EBF3: variants seen among roughly 807,000 people sequenced by gnomAD.
EBF3 encodes EBF transcription factor 3, also known as transcription factor COE3.
A neutral mutation model predicts 77.1 loss-of-function variants in EBF3; 18 were observed. That is an observed-to-expected ratio of 0.23 (90% CI 0.16 to 0.35). EBF3 has a LOEUF of 0.35. EBF3 is among the 10% of genes least tolerant of loss of function. The pLI, the probability that EBF3 is intolerant of heterozygous loss-of-function variation, is 1.00. For missense variants in EBF3, 558 were observed against 860.0 expected (o/e 0.65, Z 4.39); for synonymous variants, 350 against 343.5 (o/e 1.02, Z -0.21).
intron 6 of EBF3, among the ~76,000 whole-genome samples, chr10:129,880,058 T>C (rs1407218765): frequency 6.6e-6 from 1 of 152,222 alleles, no homozygotes; most frequent in Non-Finnish European, 1.5e-5. Flanking sequence ...AATTTCTTGA[T>C]GTCTTTTAGA....
At chr10:129,888,941 C>A (rs866831904) in intron 6 of EBF3, among the ~76,000 whole-genome samples, 1 of 152,136 alleles carries the variant, frequency 6.6e-6, no homozygotes, top group Non-Finnish European at 1.5e-5. Context: ...CAGGCCTGGG[C>A]CTATACAGAT....
intron 11 of EBF3, among the ~76,000 whole-genome samples, chr10:129,844,264 A>G (rs575060590): frequency 2.7e-4 from 41 of 152,140 alleles, no homozygotes; most frequent in Non-Finnish European, 2.4e-4. Flanking sequence ...AGGTGTGTCT[A>G]CATCTGGGCA....
intron 10 of EBF3, among the ~76,000 whole-genome samples, chr10:129,852,397 G>A (rs576440160): frequency 6.6e-6 from 1 of 152,328 alleles, no homozygotes; most frequent in South Asian, 2.1e-4. Flanking sequence ...TAATGTGGCA[G>A]CAGAAATGGC....
At chr10:129,856,371 T>TC (rs777595629) in intron 10 of EBF3, among the ~76,000 whole-genome samples, 6 of 152,112 alleles carry the variant, frequency 3.9e-5, no homozygotes, top group Non-Finnish European at 7.3e-5. Context: ...ATGTGGTATA[T>TC]CCATACAATG....
intron 6 of EBF3, among the ~76,000 whole-genome samples, chr10:129,922,210 C>T (rs867946964): frequency 6.6e-6 from 1 of 152,224 alleles, no homozygotes; most frequent in African/African-American, 2.4e-5. Flanking sequence ...CCATGGCCCC[C>T]GAGCCCTCCT....
chr10:129,919,558 A>G (rs1443411562), intron 6 of EBF3, among the ~76,000 whole-genome samples: 2 of 152,128 alleles, frequency 1.3e-5, no homozygotes, highest in Non-Finnish European at 2.9e-5. Flanking sequence ...CCAGCTTAGG[A>G]GCAGACTTAG....
chr10:129,905,315 A>C, intron 6 of EBF3, among the ~76,000 whole-genome samples: 1 of 152,228 alleles, frequency 6.6e-6, no homozygotes, highest in Non-Finnish European at 1.5e-5. Flanking sequence ...CAGATTCCCA[A>C]ACTTAGTGAA....
chr10:129,925,453 G>A (rs944797210), intron 6 of EBF3, among the ~76,000 whole-genome samples: 19 of 151,914 alleles, frequency 1.3e-4, no homozygotes, highest in East Asian at 3.9e-4. Context: ...TTAGCAAGGC[G>A]TGGTGGTGCA....
At chr10:129,893,087 G>T (rs906571895) in intron 6 of EBF3, among the ~76,000 whole-genome samples, 2 of 152,212 alleles carry the variant, frequency 1.3e-5, no homozygotes, top group African/African-American at 4.8e-5. Flanking sequence ...GACAATAATT[G>T]ATTGTGATTC....
Position 129,861,390 on chromosome 10 carries a change from A to C in EBF3, c.1039+5751T>G, listed in dbSNP as rs1851626276. On this transcript the variant is annotated intron_variant, in intron 10 of 16. Transcript: ENST00000440978. This position sits in a 1 kb window ranked among gnomAD's most constrained non-coding sequence, Gnocchi z 4.3. ...AAAGGACAAAAACTAAAGTGGCGTC[A>C]GGAGAAGTTGTGTTGTTGGAGTCAC... Among the ~76,000 whole-genome samples, 1 of 152,218 alleles carries C rather than the reference A, an allele frequency of 6.6e-6. No homozygotes were observed. The highest frequency in any genetic ancestry group is 2.4e-5 in the African/African-American group (1 of 41,464).
chr10:129,954,411 T>C (rs1014807009), intron 6 of EBF3, among the ~76,000 whole-genome samples: 2 of 147,018 alleles, frequency 1.4e-5, no homozygotes, highest in Admixed American at 1.3e-4. Context: ...ACAGCCTCAC[T>C]TCCCCCCCCC....
At chr10:129,882,329 C>T (rs140904683) in intron 6 of EBF3, among the ~76,000 whole-genome samples, 24 of 152,326 alleles carry the variant, frequency 1.6e-4, no homozygotes, top group East Asian at 9.6e-4. Context: ...CTCCTTTAAA[C>T]GGCTACAGAA....
chr10:129,894,196 G>A (rs183577516), intron 6 of EBF3, among the ~76,000 whole-genome samples: 53 of 152,288 alleles, frequency 3.5e-4, no homozygotes, highest in African/African-American at 1.1e-3. Flanking sequence ...TGTCTCCTGC[G>A]CAGAACTTTA....
intron 10 of EBF3, among the ~76,000 whole-genome samples, chr10:129,865,299 G>T (rs1454401434): frequency 6.6e-6 from 1 of 152,216 alleles, no homozygotes; most frequent in Non-Finnish European, 1.5e-5. Flanking sequence ...TTGTTGAAGT[G>T]TATATAAGTG....
intron 10 of EBF3, among the ~76,000 whole-genome samples, chr10:129,851,668 G>A (rs1050000058): frequency 2.0e-5 from 3 of 152,168 alleles, no homozygotes; most frequent in African/African-American, 7.2e-5. Flanking sequence ...CCCATTATTT[G>A]TCCTGAATTC....
At chr10:129,957,170 A>G in intron 6 of EBF3, 88 bp downstream of exon 6, 1 of 1,257,262 alleles carries the variant, frequency 8.0e-7, no homozygotes, top group Middle Eastern at 1.9e-4. Flanking sequence ...ACCAGCCTCA[A>G]AAATATGGAG....
chr10:129,907,994 G>A (rs1479790113), intron 6 of EBF3, among the ~76,000 whole-genome samples: 1 of 152,182 alleles, frequency 6.6e-6, no homozygotes, highest in African/African-American at 2.4e-5. Context: ...ACCCCACTGA[G>A]CCATGGATCC....
At chr10:129,917,067 T>C (rs754081900) in intron 6 of EBF3, among the ~76,000 whole-genome samples, 10 of 152,238 alleles carry the variant, frequency 6.6e-5, no homozygotes, top group Non-Finnish European at 1.5e-4. Context: ...TTACTTGTCA[T>C]GTATTAAAAG....
Position 129,840,899 on chromosome 10 carries a change from C to G in EBF3, c.1506G>C (p.Gly502=). The change falls in exon 14 of 17, where the codon GGG becomes GGC. Residue 502 remains glycine (G), a synonymous_variant. Transcript: ENST00000440978. The stretch of plus-strand genomic sequence containing the variant: ...TAAGAAATCCAGGCGAGCCAGGGAC[C>G]CCTAGACTGGCCATGGCGCCACTTC... ...GYGSGAMASL[G]VPGSPGFLNG... 1.9e-6 allele frequency: 3 copies of G among 1,614,114 alleles called. No homozygotes were observed. The highest frequency in any genetic ancestry group is 1.6e-4 in the Middle Eastern group (1 of 6,062).
Sources: gnomAD v4.1 joint callset for allele counts (sites outside exome capture counted in the v4.1 genomes callset) on GRCh38, gnomAD v4.1.1 for gene constraint, Gnocchi (gnomAD v3.1) non-coding constraint, MANE v1.5 for transcripts, NCBI Gene and HGNC (gene_info 2026-07-23, HGNC 2026-07-21) for gene names.